QPCT: variants seen among roughly 807,000 people sequenced by gnomAD.
QPCT encodes the protein glutaminyl-peptide cyclotransferase.
Under a neutral mutation model 43.4 loss-of-function variants are expected in QPCT, and 44 were observed. The observed-to-expected ratio is 1.01, with a 90% CI of 0.80 to 1.30. The LOEUF is 1.30. Among genes scored for constraint, QPCT ranks in the 50% most tolerant of loss-of-function variants. QPCT has a pLI of 0.00. For missense variants in QPCT, 526 were observed against 436.5 expected, an observed-to-expected ratio of 1.21 and a Z score of -1.83; for synonymous variants, 168 against 168.4, an observed-to-expected ratio of 1.00 and a Z score of 0.02.
intron 3 of QPCT, among the ~76,000 whole-genome samples, chr2:37,366,212 A>C (rs562220154): frequency 6.6e-6 from 1 of 152,342 alleles, no homozygotes; most frequent in South Asian, 2.1e-4. Context: ...TACCAGGACC[A>C]ATCTGAAAGA....
chr2:37,363,677 A>G (rs1271758613), intron 3 of QPCT, among the ~76,000 whole-genome samples: 1 of 145,472 alleles, frequency 6.9e-6, no homozygotes, highest in African/African-American at 2.7e-5. Flanking sequence ...AAAAAAAAAA[A>G]AAATAGAAAG....
At chr2:37,347,194 C>CAT (rs34463193) in intron 1 of QPCT, among the ~76,000 whole-genome samples, 1,042 of 48,784 alleles carry the variant, frequency 0.021, 142 homozygotes, top group Non-Finnish European at 0.031. Context: ...ATATATATAA[C>CAT]ATATATATAT....
intron 3 of QPCT, 97 bp from the exon 4 acceptor site, chr2:37,367,135 A>G (rs111346666): frequency 2.2e-6 from 3 of 1,335,514 alleles, no homozygotes; most frequent in Non-Finnish European, 3.1e-6. Context: ...TCCTTTCTTT[A>G]TGGCACATCT....
chr2:37,366,275 A>G (rs1457641261), intron 3 of QPCT, among the ~76,000 whole-genome samples: 1 of 152,010 alleles, frequency 6.6e-6, no homozygotes, highest in Non-Finnish European at 1.5e-5. Context: ...AATCCTAGTC[A>G]CTCTTTTTAG....
intron 4 of QPCT, among the ~76,000 whole-genome samples, chr2:37,368,050 T>C (rs1378955417): frequency 6.6e-6 from 1 of 152,110 alleles, no homozygotes; most frequent in Non-Finnish European, 1.5e-5. Flanking sequence ...TTCAGGCCTT[T>C]ATAAGTCTGA....
At chr2:37,358,505 A>C (rs1345450233) in intron 2 of QPCT, among the ~76,000 whole-genome samples, 1 of 152,174 alleles carries the variant, frequency 6.6e-6, no homozygotes. Context: ...AAGTGAAGCC[A>C]AGATAAAATA....
chr2:37,353,749 G>A (rs1197343614), intron 2 of QPCT, among the ~76,000 whole-genome samples: 7 of 152,282 alleles, frequency 4.6e-5, no homozygotes, highest in East Asian at 1.9e-4. Flanking sequence ...TTAAGGGGCC[G>A]CTTGGGAAGG....
rs146294188 is a variant in QPCT at position 37,368,020 on chromosome 2, G to A, written c.723+612G>A. Among the ~76,000 whole-genome samples the A allele has an allele frequency of 7.5e-4, 114 of 152,300 alleles. 1 individual carries two copies. The highest frequency in any genetic ancestry group is 2.7e-3 in the African/African-American group (112 of 41,564). ...CATTCCCCCAGTACTGTATGGAGGT[G>A]GAGAGAGCAAACCCCTTCTTTCAGG... is the stretch of plus-strand genomic sequence containing the variant. On this transcript the variant is annotated intron_variant, in intron 4 of 6. Transcript: ENST00000338415.
intron 3 of QPCT, among the ~76,000 whole-genome samples, chr2:37,364,288 C>T (rs1672911787): frequency 6.6e-6 from 1 of 152,150 alleles, no homozygotes; most frequent in South Asian, 2.1e-4. Flanking sequence ...TCATGGAGTT[C>T]AGCTCACTGG....
At chr2:37,362,662 A>T (rs992098875) in intron 3 of QPCT, among the ~76,000 whole-genome samples, 4 of 152,230 alleles carry the variant, frequency 2.6e-5, no homozygotes, top group Non-Finnish European at 5.9e-5. Context: ...TGAAGACAGA[A>T]GTTGGATGGA....
At chr2:37,359,909 C>T in intron 3 of QPCT, 51 bp downstream of exon 3, 1 of 1,551,162 alleles carries the variant, frequency 6.4e-7, no homozygotes, top group South Asian at 1.2e-5. Flanking sequence ...TTAACAGTAA[C>T]TCAGAGTGAA....
intron 4 of QPCT, 31 bp from the exon 5 acceptor site, chr2:37,369,653 AT>A: frequency 6.8e-7 from 1 of 1,464,984 alleles, no homozygotes; most frequent in South Asian, 1.1e-5. Context: ...CGTTTTGGTG[AT>A]GGTGATTAAA....
intron 3 of QPCT, chr2:37,367,030 G>A (rs1003252412): frequency 1.5e-4 from 85 of 552,270 alleles, no homozygotes; most frequent in Non-Finnish European, 2.5e-4. Context: ...GAAGAAGGTG[G>A]TTTATATGGG....
At chr2:37,368,459 G>A (rs1673007695) in intron 4 of QPCT, 2 of 373,850 alleles carry the variant, frequency 5.3e-6, no homozygotes, top group African/African-American at 2.1e-5. Context: ...ATCCCTCCCT[G>A]ACGCTCACCC....
chr2:37,367,535 T>C (rs983093930), intron 4 of QPCT, 127 bp downstream of exon 4: 2 of 960,928 alleles, frequency 2.1e-6, no homozygotes, highest in South Asian at 3.8e-5. Context: ...TGATAGAACA[T>C]TCCTTGGCAG....
rs147020596 is a variant in QPCT, at chr2:37,364,000, G to A, written c.547-3232G>A. Among the ~76,000 whole-genome samples the A allele has an allele frequency of 1.8e-3, 273 of 152,248 alleles. 1 individual carries two copies. The highest frequency in any genetic ancestry group is 6.4e-3 in the African/African-American group (265 of 41,542). ...AGAATAATTGTAACAATTCCAGTTA[G>A]GTCATATAAAAAGTATTGGGAATGA... On this transcript the variant is annotated intron_variant, in intron 3 of 6. Transcript: ENST00000338415.
intron 3 of QPCT, among the ~76,000 whole-genome samples, chr2:37,364,113 AACCCAGAATCTTCAG>A (rs770515538): frequency 2.6e-5 from 4 of 152,238 alleles, no homozygotes; most frequent in Non-Finnish European, 4.4e-5. Flanking sequence ...AATAATTTGC[AACCCAGAATCTTCAG>A]ACCCAGAAAA....
Position 37,344,636 on chromosome 2 carries a change from C to T in QPCT, c.-96C>T. ...GCGATGGGAAGGCGGGCGCAGTCGA[C>T]CCAAGGGTGGAGAAGAGGGAAGGCG... On this transcript the variant is annotated 5_prime_UTR_variant, in exon 1 of 7. Transcript: ENST00000338415. The T allele has an allele frequency of 2.0e-6, 3 of 1,495,820 alleles. No homozygotes were observed. The highest frequency in any genetic ancestry group is 2.2e-4 in the Middle Eastern group (1 of 4,606). The allele number at this position is 1,495,820 out of a possible 1,614,324, so 92.7% of individuals were successfully genotyped here. A position where few individuals can be genotyped will look rare whatever the true frequency, so the allele number is the denominator to read the frequency against.
chr2:37,359,536 C>A, intron 2 of QPCT, 44 bp from the exon 3 acceptor site: 1 of 1,547,308 alleles, frequency 6.5e-7, no homozygotes, highest in Admixed American at 2.0e-5. Context: ...CAAATGAAAG[C>A]CATTTCTTTA....
Sources: allele counts gnomAD v4.1 joint callset (sites outside exome capture counted in the v4.1 genomes callset), GRCh38; gene constraint gnomAD v4.1.1; transcripts MANE v1.5; gene names NCBI Gene and HGNC (gene_info 2026-07-23, HGNC 2026-07-21).